The following TENM3 variants were observed in gnomAD, a reference collection of about 807,000 sequenced individuals.
TENM3 encodes the protein teneurin-3.
A neutral mutation model predicts 255.1 loss-of-function variants in TENM3; 63 were observed. That is an observed-to-expected ratio of 0.25 (90% confidence interval 0.20 to 0.30). TENM3 has a LOEUF of 0.30. Ranked by LOEUF, TENM3 falls within the 10% of genes least tolerant of loss-of-function variation. TENM3 has a pLI of 1.00. For missense variants in TENM3, 2,929 were observed against 3,461.1 expected, an observed-to-expected ratio of 0.85 and a Z score of 3.86; for synonymous variants, 1,306 against 1,322.3, an observed-to-expected ratio of 0.99 and a Z score of 0.27.
At chr4:182,462,904 T>C (rs866528033) in intron 3 of TENM3, among the ~76,000 whole-genome samples, 3 of 151,506 alleles carry the variant, frequency 2.0e-5, no homozygotes, top group Middle Eastern at 3.4e-3. Context: ...AAAGGAAAAA[T>C]TTACTTGATA....
At chr4:181,452,352 A>T in the TENM3 span, among the ~76,000 whole-genome samples, 1 of 152,170 alleles carries the variant, frequency 6.6e-6, no homozygotes, top group Non-Finnish European at 1.5e-5. Context: ...CCCAAATTTC[A>T]TCTTGAATTG....
chr4:182,294,061 G>A (rs1761301070), intron 1 of TENM3, among the ~76,000 whole-genome samples: 1 of 152,000 alleles, frequency 6.6e-6, no homozygotes, highest in Non-Finnish European at 1.5e-5. Context: ...CCTCTACCAG[G>A]GAGTCGGAAG....
At chr4:182,359,513 G>C (rs1325531236) in intron 3 of TENM3, among the ~76,000 whole-genome samples, 18 of 151,036 alleles carry the variant, frequency 1.2e-4, no homozygotes, top group Non-Finnish European at 2.2e-4. Context: ...GCGTAGAGGT[G>C]TTTGTAGTAT....
chr4:181,917,650 C>CT, the TENM3 span, among the ~76,000 whole-genome samples: 1,438 of 136,158 alleles, frequency 0.011, 16 homozygotes, highest in African/African-American at 0.035. Context: ...CCTCAGACTT[C>CT]TTTTTTTTTT....
At position 182,765,331 on chromosome 4, in the gene TENM3, G is replaced by A. The variant is rs143115427; in HGVS notation, c.4893-8141G>A. Among the ~76,000 whole-genome samples the A allele has an allele frequency of 2.1e-3, 325 of 152,270 alleles. 3 individuals are homozygous for A. Among genetic ancestry groups the A allele is most frequent in the African/African-American group, 7.5e-3 (312 of 41,562 alleles). The stretch of plus-strand genomic sequence containing the variant: ...AGTTTCCTGTGGCTTCATAATAAAA[G>A]ACAACAGCTGTGTTAATACTGAAGG... On this transcript the variant is annotated intron_variant, in intron 22 of 27. Transcript: ENST00000511685.
the TENM3 span, among the ~76,000 whole-genome samples, chr4:182,011,240 C>G: frequency 6.6e-6 from 1 of 152,278 alleles, no homozygotes; most frequent in East Asian, 1.9e-4. Flanking sequence ...TACTTCAAAC[C>G]CTGATGCCCC....
chr4:181,786,488 ATGAGGGT>A, the TENM3 span, among the ~76,000 whole-genome samples: 1 of 152,042 alleles, frequency 6.6e-6, no homozygotes, highest in Non-Finnish European at 1.5e-5. Context: ...AAGGTGAGGG[ATGAGGGT>A]TGAGGGGTGA....
intron 3 of TENM3, among the ~76,000 whole-genome samples, chr4:182,368,063 T>C (rs968424332): frequency 6.6e-6 from 1 of 152,222 alleles, no homozygotes; most frequent in Non-Finnish European, 1.5e-5. Context: ...AGCGATTGAA[T>C]AGCAGAGTCT....
the TENM3 span, among the ~76,000 whole-genome samples, chr4:181,791,122 CT>C: frequency 6.6e-5 from 10 of 152,298 alleles, no homozygotes; most frequent in South Asian, 1.9e-3. Context: ...GTTTTTAAAG[CT>C]CAGGGGCTAG....
chr4:181,450,782 TGTG>T, the TENM3 span, among the ~76,000 whole-genome samples: 46 of 152,340 alleles, frequency 3.0e-4, no homozygotes, highest in African/African-American at 1.1e-3. Flanking sequence ...TTTCATAACA[TGTG>T]GTGTCACTGA....
intron 3 of TENM3, among the ~76,000 whole-genome samples, chr4:182,360,475 A>G (rs1213387267): frequency 1.4e-5 from 2 of 145,166 alleles, no homozygotes; most frequent in Admixed American, 6.9e-5. Context: ...CCATTATGTA[A>G]TGGCCTTCTT....
At chr4:181,972,915 A>G in the TENM3 span, among the ~76,000 whole-genome samples, 3 of 152,176 alleles carry the variant, frequency 2.0e-5, no homozygotes, top group South Asian at 6.2e-4. Flanking sequence ...TACAAGACAA[A>G]AAACTTGGTT....
At chr4:181,571,540 A>T in the TENM3 span, among the ~76,000 whole-genome samples, 1 of 152,086 alleles carries the variant, frequency 6.6e-6, no homozygotes, top group African/African-American at 2.4e-5. Context: ...GTCTCTCCAT[A>T]TTGCCCAGGC....
At chr4:182,696,796 C>T (rs997178785) in intron 12 of TENM3, among the ~76,000 whole-genome samples, 8 of 151,512 alleles carry the variant, frequency 5.3e-5, no homozygotes, top group Admixed American at 1.3e-4. Flanking sequence ...TGTTTTGTTG[C>T]GGTTTTTCTC....
chr4:181,725,034 C>T, the TENM3 span, among the ~76,000 whole-genome samples: 1 of 152,162 alleles, frequency 6.6e-6, no homozygotes, highest in Non-Finnish European at 1.5e-5. Flanking sequence ...GGGGTCCTCC[C>T]AGTCTGGAAT....
At chr4:182,434,051 T>TCG (rs1771865496) in intron 3 of TENM3, among the ~76,000 whole-genome samples, 1 of 151,490 alleles carries the variant, frequency 6.6e-6, no homozygotes, top group South Asian at 2.1e-4. Flanking sequence ...GAGTTTGAGG[T>TCG]CGCAGTGAGC....
chr4:181,494,971 C>T, the TENM3 span, among the ~76,000 whole-genome samples: 7 of 152,106 alleles, frequency 4.6e-5, no homozygotes, highest in African/African-American at 1.7e-4. Flanking sequence ...GAAGTTATCT[C>T]TTATTTTTTC....
At chr4:181,673,006 C>T in the TENM3 span, among the ~76,000 whole-genome samples, 8 of 152,208 alleles carry the variant, frequency 5.3e-5, no homozygotes, top group South Asian at 6.2e-4. Flanking sequence ...GCAGATTATT[C>T]GGTCTTCATA....
chr4:181,559,852 G>A, the TENM3 span, among the ~76,000 whole-genome samples: 4 of 152,140 alleles, frequency 2.6e-5, no homozygotes, highest in Non-Finnish European at 4.4e-5. Context: ...GAAACCACAC[G>A]CAGGAGACAT....
Sources: gnomAD v4.1 joint callset for allele counts (sites outside exome capture counted in the v4.1 genomes callset) on GRCh38, gnomAD v4.1.1 for gene constraint, MANE v1.5 for transcripts, NCBI Gene and HGNC (gene_info 2026-07-23, HGNC 2026-07-21) for gene names.